The following DAB1 variants were observed in gnomAD, a reference collection of about 807,000 sequenced individuals.
DAB1 encodes the protein disabled homolog 1.
Under a neutral mutation model 64.6 loss-of-function variants are expected in DAB1, and 15 were observed. The ratio of observed to expected loss-of-function variants is 0.23; its 90% CI spans 0.16 to 0.36. DAB1 has a LOEUF of 0.36. Ranked by LOEUF, DAB1 falls within the 10% of genes least tolerant of loss-of-function variation. DAB1 has a pLI of 1.00. For synonymous variants in DAB1, 235 were observed against 251.9 expected (o/e 0.93, Z 0.64); for missense variants, 596 against 706.7 (o/e 0.84, Z 1.78).
At chr1:58,213,117 C>T (rs17117119) in intron 4 of DAB1, among the ~76,000 whole-genome samples, 28,135 of 152,004 alleles carry the variant, frequency 0.19, 2,792 homozygotes, top group East Asian at 0.37. Flanking sequence ...TACAGTAATC[C>T]GAAAAGGTCA....
chr1:57,552,432 G>A (rs2101478510), intron 7 of DAB1, among the ~76,000 whole-genome samples: 1 of 152,312 alleles, frequency 6.6e-6, no homozygotes, highest in East Asian at 1.9e-4. Flanking sequence ...CTGGGGCTAT[G>A]TAGAGGGGAA....
At chr1:58,048,371 C>T (rs1372000198) in intron 5 of DAB1, 7 of 961,004 alleles carry the variant, frequency 7.3e-6, no homozygotes, top group Admixed American at 1.7e-5. Flanking sequence ...GCTTCCACCA[C>T]CTCCAAAACT....
At chr1:57,458,068 G>A (rs1558399596) in intron 7 of DAB1, among the ~76,000 whole-genome samples, 1 of 152,036 alleles carries the variant, frequency 6.6e-6, no homozygotes, top group Non-Finnish European at 1.5e-5. Context: ...TTAATAAATT[G>A]CAGCAAATAT....
chr1:57,361,052 A>AAG (rs1321158466), intron 1 of DAB1, among the ~76,000 whole-genome samples: 2 of 152,140 alleles, frequency 1.3e-5, no homozygotes, highest in African/African-American at 4.8e-5. Context: ...CAGAGAGATA[A>AAG]GCACTGTGAG....
At chr1:57,846,055 G>A (rs1055646006) in intron 1 of DAB1, among the ~76,000 whole-genome samples, 1 of 152,188 alleles carries the variant, frequency 6.6e-6, no homozygotes, top group African/African-American at 2.4e-5. Flanking sequence ...CCCAGAGACA[G>A]AGGGAAGAGT....
intron 6 of DAB1, among the ~76,000 whole-genome samples, chr1:57,659,338 C>T (rs1438649101): frequency 6.6e-6 from 1 of 152,166 alleles, no homozygotes; most frequent in Non-Finnish European, 1.5e-5. Flanking sequence ...CTGCAAAATA[C>T]GTGCAGCACT....
At chr1:57,933,139 G>A (rs1450317332) in intron 5 of DAB1, among the ~76,000 whole-genome samples, 1 of 152,152 alleles carries the variant, frequency 6.6e-6, no homozygotes, top group Admixed American at 6.5e-5. Flanking sequence ...ACCCTATAAG[G>A]TTTATAACTC....
At chr1:57,745,245 G>A (rs1024957395) in intron 6 of DAB1, among the ~76,000 whole-genome samples, 4 of 152,042 alleles carry the variant, frequency 2.6e-5, no homozygotes, top group East Asian at 1.9e-4. Flanking sequence ...TCTACTTCCC[G>A]GGAAGTTGTT....
intron 4 of DAB1, among the ~76,000 whole-genome samples, chr1:58,296,203 A>AAG (rs761479535): frequency 2.2e-5 from 2 of 89,650 alleles, no homozygotes; most frequent in Non-Finnish European, 4.7e-5. Context: ...AAGAGAAAGA[A>AAG]AGAAAGAAAG....
chr1:58,429,644 G>C lies in DAB1; in HGVS notation n.257+76416C>G, dbSNP rs149966322. Reference sequence around the variant, plus strand: ...TGGAGGAAGTTTATAGATAGAGAGAGAGAAAGCAGAGAGACTGCATGGAGT... The same window carrying C: ...TGGAGGAAGTTTATAGATAGAGAGACAGAAAGCAGAGAGACTGCATGGAGT... On this transcript the variant is annotated intron_variant and non_coding_transcript_variant, in intron 3 of 20. Coordinates refer to the DAB1 transcript ENST00000485760. 3.5e-4 allele frequency among the ~76,000 whole-genome samples: 53 copies of C among 152,268 alleles called. No individual in the cohort carries two copies. In the East Asian group the frequency reaches 0.01, roughly 29 times the overall value.
chr1:57,296,334 C>A (rs1477209652), intron 1 of DAB1, among the ~76,000 whole-genome samples: 3 of 152,014 alleles, frequency 2.0e-5, no homozygotes, highest in Non-Finnish European at 4.4e-5. Flanking sequence ...TGTTGATATG[C>A]AACTATTTCC....
At chr1:57,250,706 C>T (rs1669269780) in intron 2 of DAB1, among the ~76,000 whole-genome samples, 1 of 152,158 alleles carries the variant, frequency 6.6e-6, no homozygotes, top group South Asian at 2.1e-4. Flanking sequence ...CTAAGATTTG[C>T]TCACCAGGCA....
chr1:57,567,270 T>C (rs1223557125), intron 7 of DAB1, among the ~76,000 whole-genome samples: 3 of 152,160 alleles, frequency 2.0e-5, no homozygotes, highest in East Asian at 3.9e-4. Flanking sequence ...ATTGATGGGA[T>C]GTATCTCAAA....
intron 5 of DAB1, among the ~76,000 whole-genome samples, chr1:58,057,894 C>A (rs539658998): frequency 3.3e-5 from 5 of 152,070 alleles, no homozygotes; most frequent in African/African-American, 1.2e-4. Context: ...TTCCACTTGA[C>A]CACCTCCTGC....
rs539866995 is a variant in DAB1 at position 57,317,149 on chromosome 1, T to A, written c.-136-25983A>T. 4.6e-5 allele frequency among the ~76,000 whole-genome samples: 7 copies of A among 152,250 alleles called. No homozygotes were observed. In the South Asian group the frequency reaches 1.2e-3, roughly 27 times the overall value. ...ACATGACAGGGAACCAAGGGAAGCC[T>A]CCGGCAAACAGCCTAAGAAGAACTG... On this transcript the variant is annotated intron_variant, in intron 1 of 14. Coordinates refer to ENST00000371236, the MANE Select transcript of DAB1 (RefSeq NM_001365792.1).
intron 1 of DAB1, among the ~76,000 whole-genome samples, chr1:57,303,541 C>T (rs1673854267): frequency 6.6e-6 from 1 of 152,122 alleles, no homozygotes; most frequent in South Asian, 2.1e-4. Flanking sequence ...ACTCTATCCA[C>T]TGGTAGAGAG....
intron 1 of DAB1, among the ~76,000 whole-genome samples, chr1:57,883,774 G>A (rs1357807494): frequency 6.6e-6 from 1 of 152,204 alleles, no homozygotes; most frequent in Non-Finnish European, 1.5e-5. Context: ...ACAAAGGCAT[G>A]CGCCTTTCAG....
At chr1:57,523,303 T>C (rs1644552243) in intron 7 of DAB1, among the ~76,000 whole-genome samples, 1 of 152,104 alleles carries the variant, frequency 6.6e-6, no homozygotes, top group Non-Finnish European at 1.5e-5. Context: ...GATACAAATA[T>C]TTGGAAGGAG....
chr1:57,021,232 A>G lies in DAB1; in HGVS notation c.895+2299T>C, dbSNP rs143535319. Among the ~76,000 whole-genome samples the G allele has an allele frequency of 6.9e-3, 1,058 of 152,354 alleles. 9 individuals carry two copies. The highest frequency in any genetic ancestry group is 0.041 in the Middle Eastern group (12 of 294). On this transcript the variant is annotated intron_variant, in intron 11 of 14. Coordinates refer to ENST00000371236, the MANE Select transcript of DAB1 (RefSeq NM_001365792.1). ...GCAGCTAAAGAAAGGAAATCTGGAT[A>G]TGTGGAAGTGGCTTGTCCATAGCTT... is the stretch of plus-strand genomic sequence containing the variant.
Sources: allele counts gnomAD v4.1 joint callset (sites outside exome capture counted in the v4.1 genomes callset), GRCh38; gene constraint gnomAD v4.1.1; transcripts MANE v1.5; gene names NCBI Gene and HGNC (gene_info 2026-07-23, HGNC 2026-07-21).